Variants in RCBTB1 observed in about 807,000 individuals in gnomAD.
RCBTB1 encodes RCC1 and BTB domain-containing protein 1.
In RCBTB1, 46 loss-of-function variants were observed where a neutral mutation model predicts 62.4. The ratio of observed to expected loss-of-function variants is 0.74; its 90% CI spans 0.58 to 0.94. The LOEUF is 0.94. Among genes scored for constraint, RCBTB1 ranks in the 40% least tolerant of loss-of-function variants. RCBTB1 has a pLI of 0.00. For missense variants in RCBTB1, 565 were observed against 654.9 expected, an observed-to-expected ratio of 0.86 and a Z score of 1.50; for synonymous variants, 222 against 245.8, an observed-to-expected ratio of 0.90 and a Z score of 0.91.
rs1449359756 is a variant in RCBTB1 at position 49,551,476 on chromosome 13, T to C, written c.712-8A>G. The C allele has an allele frequency of 1.2e-6, 2 of 1,613,724 alleles. No homozygotes were observed. Among genetic ancestry groups the C allele is most frequent in the Admixed American group, 1.7e-5 (1 of 59,968 alleles). On this transcript the variant is annotated splice_region_variant and splice_polypyrimidine_tract_variant and intron_variant, in intron 7 of 12. Transcript: ENST00000378302. The stretch of plus-strand genomic sequence containing the variant: ...TGCGTAACCGCAGACAATCTGCAAG[T>C]AAATTGAAACGGTTACCATTAGCAG...
At chr13:49,548,785 G>A (rs1219793023) in intron 9 of RCBTB1, among the ~76,000 whole-genome samples, 1 of 151,606 alleles carries the variant, frequency 6.6e-6, no homozygotes, top group Non-Finnish European at 1.5e-5. Flanking sequence ...GTGGTTGCTA[G>A]GGGTTGGGGG....
chr13:49,549,580 T>C lies in RCBTB1; in HGVS notation c.923A>G (p.Tyr308Cys). 6.2e-7 allele frequency: 1 copy of C among 1,614,174 alleles called. No individual in the cohort carries two copies. The highest frequency in any genetic ancestry group is 2.2e-5 in the East Asian group (1 of 44,878). The change falls in exon 9 of 13, where the codon TAC becomes TGC. Residue 308 changes from tyrosine to cysteine, a missense_variant. Transcript: ENST00000378302. ...SAAKTQGGHVYMWGQCRGQSV... is the reference protein window; with the variant it reads ...SAAKTQGGHVCMWGQCRGQSV... ...CTGACCCCGGCACTGGCCCCACATG[T>C]ACACGTGCCCACCCTGCGTCTTGGC...
At chr13:49,564,892 A>T in intron 4 of RCBTB1, among the ~76,000 whole-genome samples, 1 of 82,044 alleles carries the variant, frequency 1.2e-5, no homozygotes, top group East Asian at 4.8e-4. Flanking sequence ...CTCCGTCTCA[A>T]AAAAAAAAAG....
chr13:49,576,479 A>G (rs1963795703), intron 2 of RCBTB1, among the ~76,000 whole-genome samples: 1 of 152,188 alleles, frequency 6.6e-6, no homozygotes, highest in Admixed American at 6.5e-5. Flanking sequence ...GTAAAATCAT[A>G]CTGTTTTAAT....
intron 5 of RCBTB1, among the ~76,000 whole-genome samples, chr13:49,556,743 A>G (rs1485510737): frequency 6.6e-6 from 1 of 152,222 alleles, no homozygotes; most frequent in Non-Finnish European, 1.5e-5. Context: ...TCACAGGTAC[A>G]AAACAAATAA....
At position 49,566,409 on chromosome 13, in the gene RCBTB1, A is replaced by T. The variant is rs370261369; in HGVS notation, c.277+209T>A. Among the ~76,000 whole-genome samples the T allele has an allele frequency of 2.2e-4, 34 of 152,358 alleles. No homozygotes were observed. The East Asian group carries it at 4.0e-3, about 18-fold the overall frequency. On this transcript the variant is annotated intron_variant, in intron 4 of 12. Transcript: ENST00000378302. ...CTTTATGGAGGCAGTCGAAAACCTC[A>T]GAAGTTTGCCTAATTTGCAAGACAT... is the stretch of plus-strand genomic sequence containing the variant.
At position 49,549,536 on chromosome 13, in the gene RCBTB1, G is replaced by A. The variant is rs1404629362; in HGVS notation, c.967C>T (p.Leu323Phe). 15 of 1,614,100 alleles carry A rather than the reference G, an allele frequency of 9.3e-6. No homozygotes were observed. The highest frequency in any genetic ancestry group is 1.2e-5 in the Non-Finnish European group (14 of 1,179,996). The change falls in exon 9 of 13, where the codon CTC (leucine) becomes TTC (phenylalanine). Residue 323 changes from leucine (L) to phenylalanine (F), a missense_variant. By Grantham distance (22) the Leu-to-Phe change is conservative. Transcript: ENST00000378302. ...TCGTCGGTGCAGGAGAAGTGGGTGA[G>A]GTGCGGGAGGATCACGGACTGACCC... is the stretch of plus-strand genomic sequence containing the variant. ...CRGQSVILPHLTHFSCTDDVF... is the reference protein window; with the variant it reads ...CRGQSVILPHFTHFSCTDDVF...
chr13:49,583,129 T>C (rs562709877), intron 1 of RCBTB1, among the ~76,000 whole-genome samples: 275 of 152,228 alleles, frequency 1.8e-3, no homozygotes, highest in Middle Eastern at 6.8e-3. Context: ...TATGATCACA[T>C]GGCACACTGT....
At chr13:49,552,539 T>C (rs1263792944) in intron 6 of RCBTB1, among the ~76,000 whole-genome samples, 4 of 152,154 alleles carry the variant, frequency 2.6e-5, no homozygotes, top group African/African-American at 7.2e-5. Context: ...CATGAGGAAG[T>C]TGAGCCTCAC....
chr13:49,559,481 CCT>C (rs1009642913), intron 5 of RCBTB1, among the ~76,000 whole-genome samples: 2 of 151,792 alleles, frequency 1.3e-5, no homozygotes, highest in African/African-American at 2.4e-5. Flanking sequence ...ACGGTGAAAC[CCT>C]GTCTCTACTA....
At chr13:49,552,337 G>A (rs750557025) in intron 6 of RCBTB1, 52 bp from the exon 7 acceptor site, 5 of 1,232,024 alleles carry the variant, frequency 4.1e-6, no homozygotes, top group South Asian at 1.3e-5. Context: ...CTGGTAAGAA[G>A]GAAGAGACAA....
chr13:49,581,102 G>A (rs559951079), intron 1 of RCBTB1, among the ~76,000 whole-genome samples: 1 of 152,158 alleles, frequency 6.6e-6, no homozygotes, highest in East Asian at 1.9e-4. Flanking sequence ...TATCCTAAGA[G>A]CACCAGGTAA....
chr13:49,540,141 T>A (rs576409722), intron 12 of RCBTB1, among the ~76,000 whole-genome samples: 1 of 152,362 alleles, frequency 6.6e-6, no homozygotes, highest in South Asian at 2.1e-4. Flanking sequence ...TCACTGATCA[T>A]CCTTAATGCT....
rs150925046 is a variant in RCBTB1 at position 49,550,233 on chromosome 13, C to T, written c.855-585G>A. Among the ~76,000 whole-genome samples the T allele has an allele frequency of 1.7e-4, 26 of 152,290 alleles. No homozygotes were observed. The Middle Eastern group carries it at 0.01, about 60-fold the overall frequency. On this transcript the variant is annotated intron_variant, in intron 8 of 12. Coordinates refer to ENST00000378302, the MANE Select transcript of RCBTB1 (RefSeq NM_018191.4). ...GGCTCAAGTGATCCTCTGCCTTCGC[C>T]TCCCAAAGTGCTGGGGATTACAGGT...
At chr13:49,553,683 C>T (rs1050974435) in intron 6 of RCBTB1, among the ~76,000 whole-genome samples, 2 of 152,126 alleles carry the variant, frequency 1.3e-5, no homozygotes, top group Admixed American at 6.6e-5. Context: ...GGGCGGCAGA[C>T]ATAGACTGGG....
chr13:49,576,951 C>G (rs1346724545), intron 2 of RCBTB1, among the ~76,000 whole-genome samples: 1 of 151,902 alleles, frequency 6.6e-6, no homozygotes, highest in Non-Finnish European at 1.5e-5. Context: ...AGATAATATG[C>G]CAACCCACTT....
rs1390208990 is a variant in RCBTB1 at position 49,555,626 on chromosome 13, A to G, written c.492T>C (p.Ser164=). 8 of 1,612,966 alleles carry G rather than the reference A, an allele frequency of 5.0e-6. No homozygotes were observed. The Admixed American group carries it at 1.2e-4, about 24-fold the overall frequency. ...YNNCGQVGSG[S]TANQPTPRKV... ...TTCGAGGAGTTGGTTGATTTGCTGT[A>G]GAACCTGATCCCACTTGGCCACAGT... The change falls in exon 6 of 13, where the codon TCT becomes TCC. Residue 164 remains serine (S), a synonymous_variant. Coordinates refer to ENST00000378302, the MANE Select transcript of RCBTB1 (RefSeq NM_018191.4).
intron 5 of RCBTB1, among the ~76,000 whole-genome samples, chr13:49,558,023 A>G (rs1452608635): frequency 6.6e-6 from 1 of 152,242 alleles, no homozygotes; most frequent in East Asian, 1.9e-4. Flanking sequence ...CAGGTCCTTG[A>G]AAAACGTCAT....
intron 5 of RCBTB1, among the ~76,000 whole-genome samples, chr13:49,559,611 G>T (rs910719987): frequency 1.4e-5 from 2 of 141,866 alleles, no homozygotes; most frequent in Non-Finnish European, 3.0e-5. Flanking sequence ...AGCAGAGATC[G>T]TGCCACTGTA....
Sources: gnomAD v4.1 joint callset for allele counts (sites outside exome capture counted in the v4.1 genomes callset) on GRCh38, gnomAD v4.1.1 for gene constraint, MANE v1.5 for transcripts, NCBI Gene and HGNC (gene_info 2026-07-23, HGNC 2026-07-21) for gene names.